Variants in KIAA0232 observed in about 807,000 individuals in gnomAD.
The protein encoded by KIAA0232 is uncharacterized protein KIAA0232.
Under a neutral mutation model 122.0 loss-of-function variants are expected in KIAA0232, and 27 were observed. The ratio of observed to expected loss-of-function variants is 0.22; its 90% confidence interval spans 0.16 to 0.31. The LOEUF (loss-of-function observed/expected upper bound fraction) is 0.31. KIAA0232 is among the 10% of genes least tolerant of loss of function. KIAA0232 has a pLI of 1.00. For synonymous variants in KIAA0232, 613 were observed against 587.6 expected, an observed-to-expected ratio of 1.04 and a Z score of -0.63; for missense variants, 1,551 against 1,634.2, an observed-to-expected ratio of 0.95 and a Z score of 0.88.
chr4:6,808,164 T>A (rs1444235148), intron 2 of KIAA0232, among the ~76,000 whole-genome samples: 1 of 152,134 alleles, frequency 6.6e-6, no homozygotes, highest in Non-Finnish European at 1.5e-5. Flanking sequence ...GCAAATAGTA[T>A]TTAGGATTTT....
At chr4:6,837,229 T>C (rs1375092744) in intron 3 of KIAA0232, among the ~76,000 whole-genome samples, 4 of 147,226 alleles carry the variant, frequency 2.7e-5, no homozygotes, top group Non-Finnish European at 6.0e-5. Context: ...TCCTCACTTC[T>C]CAGAAGGGGC....
rs200152266 is a variant in KIAA0232, at chr4:6,861,260, G to T, written c.878G>T (p.Ser293Ile). 1.2e-6 allele frequency: 2 copies of T among 1,614,130 alleles called. No homozygotes were observed. The highest frequency in any genetic ancestry group is 1.7e-6 in the Non-Finnish European group (2 of 1,180,042). Residue 293 changes from serine to isoleucine, a missense_variant, in exon 7 of 10, where the codon AGT becomes ATT. Physicochemically the swap from Ser to Ile is moderately radical, Grantham distance 142. Coordinates refer to ENST00000307659, the MANE Select transcript of KIAA0232 (RefSeq NM_014743.3). ...CCTCGCTCGTGGTCTTCTGGCTCCA[G>T]TGAAGCAGGCTCAAGTTCCAGTGGG... is the stretch of plus-strand genomic sequence containing the variant. The part of the protein sequence containing the change: ...IRPRSWSSGS[S>I]EAGSSSSGNQ...
chr4:6,869,823 G>A (rs1303183694), intron 7 of KIAA0232, among the ~76,000 whole-genome samples: 1 of 152,224 alleles, frequency 6.6e-6, no homozygotes, highest in East Asian at 1.9e-4. Context: ...ACAAAATCCT[G>A]TTAGGAAACT....
intron 4 of KIAA0232, among the ~76,000 whole-genome samples, chr4:6,852,571 A>G (rs1396677471): frequency 6.6e-6 from 1 of 152,212 alleles, no homozygotes; most frequent in African/African-American, 2.4e-5. Context: ...AAACTGTAAA[A>G]GAGCTCCATG....
At chr4:6,814,437 A>C (rs1718025295) in intron 2 of KIAA0232, among the ~76,000 whole-genome samples, 1 of 151,888 alleles carries the variant, frequency 6.6e-6, no homozygotes. Flanking sequence ...AGGCTAACAT[A>C]TTTTAAATAA....
chr4:6,820,261 A>G (rs1005618894), intron 2 of KIAA0232, among the ~76,000 whole-genome samples: 9 of 152,182 alleles, frequency 5.9e-5, no homozygotes, highest in Admixed American at 5.9e-4. Flanking sequence ...ATAAAAGTTA[A>G]AAAGAAAAAA....
In KIAA0232 at chr4:6,876,509, T is replaced by C. The variant is rs2108847637; in HGVS notation, c.3911-151T>C. The stretch of plus-strand genomic sequence containing the variant: ...CTTACACACCTGCCTGGCTGTGCTT[T>C]TAGTGACGACTTAAAACCTCCGAAG... On this transcript the variant is annotated intron_variant, in intron 8 of 9. Transcript: ENST00000307659. The C allele has an allele frequency of 3.5e-6, 2 of 563,788 alleles. 1 individual carries two copies. The highest frequency in any genetic ancestry group is 4.3e-5 in the South Asian group (2 of 46,952). The allele number at this position is 563,788 out of a possible 1,614,324, so 34.9% of individuals were successfully genotyped here. A position where few individuals can be genotyped will look rare whatever the true frequency, so the allele number is the denominator to read the frequency against.
Position 6,882,792 on chromosome 4 carries a change from A to G in KIAA0232, c.*1826A>G, listed in dbSNP as rs1034465445. 2 of 152,708 alleles carry G rather than the reference A, an allele frequency of 1.3e-5. No homozygotes were observed. The highest frequency in any genetic ancestry group is 4.8e-5 in the African/African-American group (2 of 41,470). 9.5% of individuals were successfully genotyped at this position (152,708 alleles called of 1,614,324 possible). A position where few individuals can be genotyped will look rare whatever the true frequency, so the allele number is the denominator to read the frequency against. ...GCACTGAAATATAATTTAACAGCAAAAGTAAAAAAGGATTGAAAGTTGTAA... is the reference window on the plus strand; with the variant it reads ...GCACTGAAATATAATTTAACAGCAAGAGTAAAAAAGGATTGAAAGTTGTAA... On this transcript the variant is annotated 3_prime_UTR_variant, in exon 10 of 10. Transcript: ENST00000307659.
At chr4:6,834,374 A>G (rs1282422153) in intron 3 of KIAA0232, among the ~76,000 whole-genome samples, 1 of 152,232 alleles carries the variant, frequency 6.6e-6, no homozygotes, top group African/African-American at 2.4e-5. Context: ...ACTAGACACA[A>G]AGTAAGTGCT....
At chr4:6,817,726 G>T (rs13132849) in intron 2 of KIAA0232, among the ~76,000 whole-genome samples, 9 of 152,040 alleles carry the variant, frequency 5.9e-5, no homozygotes, top group Non-Finnish European at 1.0e-4. Flanking sequence ...ATCCTTACTG[G>T]TTTTTTTGTG....
intron 1 of KIAA0232, among the ~76,000 whole-genome samples, chr4:6,801,972 T>C (rs1225326740): frequency 6.6e-6 from 1 of 151,976 alleles, no homozygotes; most frequent in Non-Finnish European, 1.5e-5. Flanking sequence ...CACTAAATGG[T>C]GGTGGGTATT....
chr4:6,816,713 C>T (rs978682666), intron 2 of KIAA0232, among the ~76,000 whole-genome samples: 2 of 152,114 alleles, frequency 1.3e-5, no homozygotes, highest in Non-Finnish European at 2.9e-5. Flanking sequence ...TAGAATTCAC[C>T]TTTGAAACTA....
Position 6,879,315 on chromosome 4 carries a change from C to T in KIAA0232, c.4009-1472C>T, listed in dbSNP as rs551044407. ...GAAAGTGAAGCACAAAAACATCAGG[C>T]GCCGTGTATCCGAGGCCAGAGAGCC... On this transcript the variant is annotated intron_variant, in intron 9 of 9. Transcript: ENST00000307659. 5.9e-5 allele frequency among the ~76,000 whole-genome samples: 9 copies of T among 152,268 alleles called. 1 individual carries two copies. The South Asian group carries it at 1.0e-3, about 18-fold the overall frequency.
intron 2 of KIAA0232, among the ~76,000 whole-genome samples, chr4:6,823,102 A>G (rs1048222761): frequency 1.3e-5 from 2 of 152,026 alleles, no homozygotes; most frequent in Admixed American, 1.3e-4. Context: ...TATAAAGGAC[A>G]TGAACTCATC....
chr4:6,843,340 G>T (rs1719763702), intron 4 of KIAA0232, among the ~76,000 whole-genome samples: 1 of 152,190 alleles, frequency 6.6e-6, no homozygotes, highest in East Asian at 1.9e-4. Context: ...ATTGTTGAAT[G>T]GTCTAGTGTT....
At chr4:6,866,366 TAG>T (rs1476178330) in intron 7 of KIAA0232, 1 of 246,640 alleles carries the variant, frequency 4.1e-6, no homozygotes, top group Non-Finnish European at 6.5e-6. Context: ...TCTGATAGTT[TAG>T]ATGTTGTCAG....
chr4:6,848,959 A>G (rs1440744423), intron 4 of KIAA0232, among the ~76,000 whole-genome samples: 1 of 152,204 alleles, frequency 6.6e-6, no homozygotes, highest in Non-Finnish European at 1.5e-5. Context: ...TATAGATGGC[A>G]GTGGAGCTGG....
intron 4 of KIAA0232, among the ~76,000 whole-genome samples, chr4:6,856,704 G>C (rs890281378): frequency 6.7e-6 from 1 of 149,342 alleles, no homozygotes; most frequent in African/African-American, 2.4e-5. Context: ...AAATCACCTT[G>C]TTTTCTTCAG....
chr4:6,851,237 A>G (rs915440305), intron 4 of KIAA0232, among the ~76,000 whole-genome samples: 22 of 152,204 alleles, frequency 1.4e-4, no homozygotes, highest in South Asian at 2.1e-4. Flanking sequence ...AGTTGTGACT[A>G]TTCTTCTTAA....
Sources: allele counts gnomAD v4.1 joint callset (sites outside exome capture counted in the v4.1 genomes callset), GRCh38; gene constraint gnomAD v4.1.1; transcripts MANE v1.5; gene names NCBI Gene and HGNC (gene_info 2026-07-23, HGNC 2026-07-21).